Variants in CACNA1C observed in about 807,000 individuals in gnomAD.
CACNA1C encodes calcium voltage-gated channel subunit alpha1 C.
In CACNA1C, 30 loss-of-function variants were observed where a neutral mutation model predicts 229.0. The observed-to-expected ratio is 0.13, with a 90% CI of 0.10 to 0.18. The LOEUF (loss-of-function observed/expected upper bound fraction) is 0.18, where lower values mean the gene tolerates loss of function less well. CACNA1C is among the 10% of genes least tolerant of loss of function. The pLI, the probability that CACNA1C is intolerant of heterozygous loss-of-function variation, is 1.00. For missense variants in CACNA1C, 1,658 were observed against 2,845.0 expected (o/e 0.58, Z 9.49); for synonymous variants, 1,114 against 1,132.5 (o/e 0.98, Z 0.33).
intron 43 of CACNA1C, among the ~76,000 whole-genome samples, chr12:2,684,705 C>T (rs997920213): frequency 1.6e-4 from 25 of 152,136 alleles, no homozygotes; most frequent in Non-Finnish European, 4.4e-5. Flanking sequence ...ACTGGTACCA[C>T]GCACAAGGTG....
intron 9 of CACNA1C, among the ~76,000 whole-genome samples, chr12:2,522,901 A>G (rs2099812671): frequency 6.6e-6 from 1 of 152,136 alleles, no homozygotes; most frequent in African/African-American, 2.4e-5. Context: ...TAACGTATTC[A>G]CATTGTTCAG....
intron 3 of CACNA1C, among the ~76,000 whole-genome samples, chr12:2,440,835 C>T (rs1460791123): frequency 6.6e-6 from 1 of 152,204 alleles, no homozygotes; most frequent in African/African-American, 2.4e-5. Flanking sequence ...CTCTTACATT[C>T]TCCAACTCAT....
rs748298320 is a variant in CACNA1C at position 2,690,985 on chromosome 12, A to C, written c.6203A>C (p.Asp2068Ala). The change falls in exon 47 of 47, where the codon GAC becomes GCC. Residue 2068 changes from aspartate (D) to alanine (A), a missense_variant. Coordinates refer to ENST00000399655, the MANE Select transcript of CACNA1C (RefSeq NM_000719.7). ...ACCCAGGAGCTGGCCGACGCCTGCGACATGACCATAGAGGAGATGGAGAGC... is the reference window on the plus strand; with the variant it reads ...ACCCAGGAGCTGGCCGACGCCTGCGCCATGACCATAGAGGAGATGGAGAGC... ...VTTQELADACDMTIEEMESAA... is the reference protein window; with the variant it reads ...VTTQELADACAMTIEEMESAA... The C allele has an allele frequency of 6.2e-7, 1 of 1,600,426 alleles. No homozygotes were observed. The highest frequency in any genetic ancestry group is 1.7e-4 in the Middle Eastern group (1 of 6,048).
At chr12:2,503,762 G>A (rs1198023182) in intron 7 of CACNA1C, among the ~76,000 whole-genome samples, 1 of 152,212 alleles carries the variant, frequency 6.6e-6, no homozygotes, top group Non-Finnish European at 1.5e-5. Flanking sequence ...CCACCATTCA[G>A]TAGTTACAGT....
intron 22 of CACNA1C, among the ~76,000 whole-genome samples, chr12:2,603,951 C>A (rs1274809241): frequency 2.0e-5 from 3 of 152,132 alleles, no homozygotes; most frequent in Non-Finnish European, 4.4e-5. Context: ...TAGGATCTAA[C>A]GTGAATGGAC....
At chr12:2,211,657 C>A (rs1356929161) in intron 3 of CACNA1C, among the ~76,000 whole-genome samples, 1 of 151,680 alleles carries the variant, frequency 6.6e-6, no homozygotes, top group Non-Finnish European at 1.5e-5. Flanking sequence ...CAGGGCTTGC[C>A]CTCAAATTCC....
chr12:2,162,509 G>A (rs1399740868), intron 3 of CACNA1C, among the ~76,000 whole-genome samples: 1 of 152,036 alleles, frequency 6.6e-6, no homozygotes, highest in African/African-American at 2.4e-5. Context: ...AAAGAAGGAG[G>A]AGGCCGTGTC....
chr12:2,212,003 G>A (rs1432214361), intron 3 of CACNA1C, among the ~76,000 whole-genome samples: 2 of 152,178 alleles, frequency 1.3e-5, no homozygotes, highest in African/African-American at 4.8e-5. Context: ...TTATAGGCAT[G>A]AGCCACCGCG....
At chr12:2,317,475 C>T (rs1041095654) in intron 3 of CACNA1C, among the ~76,000 whole-genome samples, 10 of 152,028 alleles carry the variant, frequency 6.6e-5, no homozygotes, top group Admixed American at 3.9e-4. Context: ...AGCAGGATGA[C>T]GGTTTTCAGG....
intron 3 of CACNA1C, among the ~76,000 whole-genome samples, chr12:2,356,963 A>C (rs2097385158): frequency 6.6e-6 from 1 of 152,192 alleles, no homozygotes; most frequent in South Asian, 2.1e-4. Flanking sequence ...AGAGTGCTGC[A>C]GCATCCTTTC....
chr12:2,455,652 G>A (rs528145959), intron 4 of CACNA1C, among the ~76,000 whole-genome samples: 1 of 152,184 alleles, frequency 6.6e-6, no homozygotes, highest in South Asian at 2.1e-4. Context: ...TATGTCTGCT[G>A]GGTGTTTGTC....
intron 3 of CACNA1C, among the ~76,000 whole-genome samples, chr12:2,187,435 A>T (rs543767798): frequency 2.2e-4 from 34 of 152,232 alleles, no homozygotes; most frequent in African/African-American, 8.2e-4. Flanking sequence ...GGCGGTGGGC[A>T]GGAGAGAGGC....
intron 3 of CACNA1C, among the ~76,000 whole-genome samples, chr12:2,151,791 A>G (rs1363064226): frequency 6.6e-6 from 1 of 152,144 alleles, no homozygotes; most frequent in East Asian, 1.9e-4. Context: ...CTCCATCCCA[A>G]ATACATAGGT....
At chr12:2,421,525 G>T (rs1316069467) in intron 3 of CACNA1C, among the ~76,000 whole-genome samples, 1 of 152,186 alleles carries the variant, frequency 6.6e-6, no homozygotes, top group Non-Finnish European at 1.5e-5. Flanking sequence ...AACTAGAGTA[G>T]TCCAACAGTT....
At chr12:2,167,499 TA>T (rs2096286888) in intron 3 of CACNA1C, among the ~76,000 whole-genome samples, 1 of 152,242 alleles carries the variant, frequency 6.6e-6, no homozygotes, top group Non-Finnish European at 1.5e-5. Context: ...GTTGACTTTT[TA>T]TTTTAGCAGG....
intron 3 of CACNA1C, among the ~76,000 whole-genome samples, chr12:2,143,126 C>A (rs555804996): frequency 6.6e-6 from 1 of 151,138 alleles, no homozygotes; most frequent in African/African-American, 2.4e-5. Flanking sequence ...CAGGTGCCTG[C>A]CACCATGCCC....
intron 3 of CACNA1C, among the ~76,000 whole-genome samples, chr12:2,441,273 G>A (rs569044480): frequency 6.6e-6 from 1 of 152,178 alleles, no homozygotes; most frequent in Non-Finnish European, 1.5e-5. Context: ...TAGCCACACA[G>A]TGTTCAGCAC....
At chr12:2,343,835 G>T (rs138940443) in intron 3 of CACNA1C, among the ~76,000 whole-genome samples, 59 of 152,338 alleles carry the variant, frequency 3.9e-4, no homozygotes, top group African/African-American at 1.3e-3. Flanking sequence ...ATGGCAGACC[G>T]GAGAGGCCAA....
intron 5 of CACNA1C, among the ~76,000 whole-genome samples, chr12:2,481,308 A>G (rs1488488790): frequency 6.6e-6 from 1 of 152,198 alleles, no homozygotes; most frequent in African/African-American, 2.4e-5. Flanking sequence ...GCTAACCTCA[A>G]AACCACCGTA....
Sources: gnomAD v4.1 joint callset for allele counts (sites outside exome capture counted in the v4.1 genomes callset) on GRCh38, gnomAD v4.1.1 for gene constraint, MANE v1.5 for transcripts, NCBI Gene and HGNC (gene_info 2026-07-23, HGNC 2026-07-21) for gene names.